The following DLG2 variants were observed in gnomAD, a reference collection of about 807,000 sequenced individuals.
DLG2 encodes disks large homolog 2.
A neutral mutation model predicts 132.5 loss-of-function variants in DLG2; 45 were observed. The observed-to-expected ratio is 0.34, with a 90% CI of 0.27 to 0.44. The LOEUF (loss-of-function observed/expected upper bound fraction) is 0.44. DLG2 is among the 20% of genes least tolerant of loss of function. The pLI is 1.00. For synonymous variants in DLG2, 424 were observed against 419.6 expected (o/e 1.01, Z -0.13); for missense variants, 1,045 against 1,196.9 (o/e 0.87, Z 1.87).
chr11:85,388,819 G>C (rs1191151368), intron 3 of DLG2, among the ~76,000 whole-genome samples: 2 of 152,152 alleles, frequency 1.3e-5, no homozygotes, highest in African/African-American at 4.8e-5. Flanking sequence ...CATCAAGGCA[G>C]CACCGCCATG....
At position 83,594,220 on chromosome 11, in the gene DLG2, A is replaced by G. The variant is rs1375622221; in HGVS notation, c.1940+38991T>C. Among the ~76,000 whole-genome samples, 3 of 152,222 alleles carry G rather than the reference A, an allele frequency of 2.0e-5. No homozygotes were observed. The South Asian group carries it at 6.2e-4, about 31-fold the overall frequency. ...TTCTCTTCTGCCTTGGCTATCAAGG[A>G]ACTGATTTCTAATGGTGCAGCTCTA... On this transcript the variant is annotated intron_variant, in intron 19 of 27. Transcript: ENST00000376104.
chr11:84,249,597 A>C (rs2097345940), intron 8 of DLG2, among the ~76,000 whole-genome samples: 1 of 152,238 alleles, frequency 6.6e-6, no homozygotes, highest in African/African-American at 2.4e-5. Flanking sequence ...TATGAGGATT[A>C]AATGAGTTAA....
intron 8 of DLG2, among the ~76,000 whole-genome samples, chr11:84,166,358 TG>T (rs1344782710): frequency 6.6e-6 from 1 of 151,500 alleles, no homozygotes; most frequent in African/African-American, 2.4e-5. Context: ...AAAAATTATC[TG>T]GGCAGGGTGG....
chr11:85,139,070 A>G (rs1236648207), intron 5 of DLG2, among the ~76,000 whole-genome samples: 1 of 152,020 alleles, frequency 6.6e-6, no homozygotes, highest in Non-Finnish European at 1.5e-5. Context: ...CCTCAGCAAG[A>G]CCTTCCCAAA....
intron 6 of DLG2, among the ~76,000 whole-genome samples, chr11:84,928,982 G>GTGTGTGTATATATATATATA (rs1400906684): frequency 2.4e-4 from 12 of 49,114 alleles, no homozygotes; most frequent in East Asian, 7.3e-4. Flanking sequence ...GTGTGTGTGT[G>GTGTGTGTATATATATATATA]TATATATATA....
intron 7 of DLG2, among the ~76,000 whole-genome samples, chr11:84,280,147 G>A (rs2097838451): frequency 1.3e-5 from 2 of 152,116 alleles, no homozygotes; most frequent in Admixed American, 1.3e-4. Context: ...AATGCTAGTA[G>A]AATCTTTAGC....
rs186278122 is a variant in DLG2 at position 85,093,744 on chromosome 11, C to T, written c.357+17917G>A. Among the ~76,000 whole-genome samples, 11 of 152,276 alleles carry T rather than the reference C, an allele frequency of 7.2e-5. No homozygotes were observed. The East Asian group carries it at 1.5e-3, about 21-fold the overall frequency. On this transcript the variant is annotated intron_variant, in intron 6 of 27. Coordinates refer to ENST00000376104, the MANE Select transcript of DLG2 (RefSeq NM_001142699.3). ...ACCTGCCCCCATGTTCAGTTACCCCCGACTGGGTCCCTCACATGACTTGTG... is the reference window on the plus strand; with the variant it reads ...ACCTGCCCCCATGTTCAGTTACCCCTGACTGGGTCCCTCACATGACTTGTG...
chr11:83,841,078 T>C (rs2057418957), intron 16 of DLG2, among the ~76,000 whole-genome samples: 2 of 152,306 alleles, frequency 1.3e-5, no homozygotes, highest in South Asian at 4.1e-4. Context: ...GTCTGATTAA[T>C]ATAATAGCCC....
intron 18 of DLG2, among the ~76,000 whole-genome samples, chr11:83,663,605 G>A (rs1233930800): frequency 6.6e-6 from 1 of 152,192 alleles, no homozygotes; most frequent in African/African-American, 2.4e-5. Flanking sequence ...ATGAATAAAT[G>A]AATGAAAGTT....
chr11:83,531,638 C>T (rs1033142904), intron 21 of DLG2, among the ~76,000 whole-genome samples: 14 of 152,114 alleles, frequency 9.2e-5, no homozygotes, highest in African/African-American at 3.4e-4. Flanking sequence ...AACAATCTCA[C>T]TCCTAGGCAT....
chr11:85,622,867 G>T (rs1719028380), intron 2 of DLG2, among the ~76,000 whole-genome samples: 1 of 152,090 alleles, frequency 6.6e-6, no homozygotes, highest in East Asian at 1.9e-4. Flanking sequence ...AGATCAGCCT[G>T]GCCAACATGG....
chr11:84,934,417 A>T (rs2048442651), intron 6 of DLG2, among the ~76,000 whole-genome samples: 1 of 148,624 alleles, frequency 6.7e-6, no homozygotes, highest in Non-Finnish European at 1.5e-5. Flanking sequence ...TCCTGTCTCA[A>T]TTTTTTGGAG....
chr11:85,136,269 G>A (rs530324574), intron 5 of DLG2, among the ~76,000 whole-genome samples: 14 of 152,174 alleles, frequency 9.2e-5, no homozygotes, highest in Non-Finnish European at 1.5e-4. Flanking sequence ...GTTTGTATTC[G>A]CCTCAAGTGA....
chr11:85,362,027 T>A (rs2084193182), intron 3 of DLG2, among the ~76,000 whole-genome samples: 1 of 152,196 alleles, frequency 6.6e-6, no homozygotes, highest in Non-Finnish European at 1.5e-5. Context: ...TGGAGTGCAG[T>A]GGTGCAATCA....
intron 3 of DLG2, among the ~76,000 whole-genome samples, chr11:85,297,401 C>A (rs2079301910): frequency 6.6e-6 from 1 of 152,088 alleles, no homozygotes; most frequent in African/African-American, 2.4e-5. Context: ...TCTTAGACTG[C>A]CTAATGTTGT....
At chr11:84,510,458 T>C (rs1416798383) in intron 7 of DLG2, among the ~76,000 whole-genome samples, 3 of 152,062 alleles carry the variant, frequency 2.0e-5, no homozygotes, top group African/African-American at 7.2e-5. Flanking sequence ...ACTAAATAGA[T>C]ATAAGAACTC....
intron 6 of DLG2, among the ~76,000 whole-genome samples, chr11:84,733,155 C>T (rs1285465374): frequency 2.0e-5 from 3 of 152,086 alleles, no homozygotes; most frequent in Admixed American, 1.3e-4. Flanking sequence ...GGTATATACC[C>T]AGTAATGGGA....
chr11:84,147,054 G>A (rs1038119862), intron 9 of DLG2, among the ~76,000 whole-genome samples: 2 of 151,996 alleles, frequency 1.3e-5, no homozygotes, highest in African/African-American at 2.4e-5. Context: ...ATACTCCACT[G>A]TAGAAAATCC....
rs376401843 is a variant in DLG2, at chr11:84,980,897, C to T, written c.357+130764G>A. ...TTGGTACATAGCTATCTCTGACTCT[C>T]CTGGCTTGGCCTGTTGAGCTTTCCC... On this transcript the variant is annotated intron_variant, in intron 6 of 27. Transcript: ENST00000376104. Among the ~76,000 whole-genome samples, 17 of 152,262 alleles carry T rather than the reference C, an allele frequency of 1.1e-4. No homozygotes were observed. The East Asian group carries it at 3.3e-3, about 29-fold the overall frequency.
Sources: allele counts gnomAD v4.1 joint callset (sites outside exome capture counted in the v4.1 genomes callset), GRCh38; gene constraint gnomAD v4.1.1; transcripts MANE v1.5; gene names NCBI Gene and HGNC (gene_info 2026-07-23, HGNC 2026-07-21).